The following FAM210A variants were observed in gnomAD, a reference collection of about 807,000 sequenced individuals.
FAM210A encodes mitochondrial inner membrane scaffold 1.
Under a neutral mutation model 25.3 loss-of-function variants are expected in FAM210A, and 13 were observed. The ratio of observed to expected loss-of-function variants is 0.51; its 90% CI spans 0.33 to 0.82. The LOEUF (loss-of-function observed/expected upper bound fraction) is 0.82, where lower values mean the gene tolerates loss of function less well. Among genes scored for constraint, FAM210A ranks in the 40% least tolerant of loss-of-function variants. FAM210A has a pLI of 0.02. For missense variants in FAM210A, 319 were observed against 323.2 expected (o/e 0.99, Z 0.10); for synonymous variants, 125 against 118.7 (o/e 1.05, Z -0.35).
At chr18:13,688,791 C>A (rs933341578) in intron 1 of FAM210A, among the ~76,000 whole-genome samples, 2 of 152,236 alleles carry the variant, frequency 1.3e-5, no homozygotes, top group Admixed American at 1.3e-4. Context: ...GTTGCAGGCA[C>A]CCCCACCTAG....
At chr18:13,677,545 T>A (rs1601944806) in intron 2 of FAM210A, among the ~76,000 whole-genome samples, 1 of 152,212 alleles carries the variant, frequency 6.6e-6, no homozygotes, top group Non-Finnish European at 1.5e-5. Flanking sequence ...TTCCATACAA[T>A]GTCTGTAATT....
intron 2 of FAM210A, among the ~76,000 whole-genome samples, chr18:13,679,971 T>A (rs772182866): frequency 1.3e-5 from 2 of 152,222 alleles, no homozygotes; most frequent in Non-Finnish European, 2.9e-5. Flanking sequence ...TTATTCTTAA[T>A]AGCCTAAATG....
chr18:13,700,799 C>T (rs2043733117), intron 1 of FAM210A, among the ~76,000 whole-genome samples: 1 of 152,202 alleles, frequency 6.6e-6, no homozygotes, highest in Non-Finnish European at 1.5e-5. Context: ...GGAGTATGCA[C>T]CTGTACAATA....
intron 1 of FAM210A, among the ~76,000 whole-genome samples, chr18:13,720,786 G>A (rs895747631): frequency 6.6e-6 from 1 of 152,228 alleles, no homozygotes; most frequent in African/African-American, 2.4e-5. Flanking sequence ...TCTGGGGTTA[G>A]AAGTCCAAGA....
intron 1 of FAM210A, among the ~76,000 whole-genome samples, chr18:13,683,361 T>G (rs553211163): frequency 1.1e-3 from 161 of 152,262 alleles, no homozygotes; most frequent in African/African-American, 3.8e-3. Flanking sequence ...AAAAAAAGTG[T>G]AGAGTGATGT....
intron 1 of FAM210A, among the ~76,000 whole-genome samples, chr18:13,716,492 A>G (rs2043863030): frequency 6.6e-6 from 1 of 152,150 alleles, no homozygotes; most frequent in Non-Finnish European, 1.5e-5. Flanking sequence ...TCTCTCTCCT[A>G]AACTGGGGGT....
chr18:13,681,128 G>A (rs2043549712), intron 2 of FAM210A, among the ~76,000 whole-genome samples: 1 of 152,124 alleles, frequency 6.6e-6, no homozygotes, highest in Admixed American at 6.5e-5. Flanking sequence ...ATATAATTAT[G>A]GAGTCATGGT....
intron 1 of FAM210A, among the ~76,000 whole-genome samples, chr18:13,718,747 A>T (rs765162876): frequency 9.9e-5 from 15 of 152,246 alleles, no homozygotes; most frequent in Non-Finnish European, 1.9e-4. Flanking sequence ...TTGATGAATA[A>T]GGACTATGTT....
intron 1 of FAM210A, chr18:13,715,342 C>T (rs1438106051): frequency 6.6e-6 from 1 of 152,222 alleles, no homozygotes; most frequent in Non-Finnish European, 1.5e-5. Flanking sequence ...GTGATCCTCC[C>T]ACCTTCCCAC....
rs754107601 is a variant in FAM210A at position 13,682,115 on chromosome 18, C to A, written c.-28-10G>T. The stretch of plus-strand genomic sequence containing the variant: ...TGATAGGTTTCAGCTTCTACAAAGA[C>A]AATTTTTCAAAAAAATTAGGTAATA... On this transcript the variant is annotated splice_polypyrimidine_tract_variant and intron_variant, in intron 1 of 3. Coordinates refer to ENST00000651643, the MANE Select transcript of FAM210A (RefSeq NM_152352.4). The A allele has an allele frequency of 2.7e-6, 4 of 1,507,334 alleles. No individual in the cohort carries two copies. The highest frequency in any genetic ancestry group is 1.8e-4 in the Middle Eastern group (1 of 5,596). 93.4% of individuals were successfully genotyped at this position (1,507,334 alleles called of 1,614,324 possible).
chr18:13,672,013 T>C (rs1320230304), intron 2 of FAM210A, 40 bp from the exon 3 acceptor site: 2 of 1,382,594 alleles, frequency 1.4e-6, no homozygotes, highest in East Asian at 2.3e-5. Flanking sequence ...GTACAAACTT[T>C]TAATGATATT....
intron 3 of FAM210A, among the ~76,000 whole-genome samples, chr18:13,669,577 A>AC (rs916163560): frequency 4.0e-5 from 6 of 151,490 alleles, no homozygotes; most frequent in Admixed American, 3.3e-4. Flanking sequence ...ACAAATCCAT[A>AC]CCCCCATCCC....
chr18:13,673,236 C>A (rs1355745405), intron 2 of FAM210A, among the ~76,000 whole-genome samples: 3 of 151,872 alleles, frequency 2.0e-5, no homozygotes, highest in African/African-American at 7.3e-5. Context: ...TATTAACATT[C>A]CTGAGCCCCG....
At chr18:13,716,372 G>T (rs1373625470) in intron 1 of FAM210A, among the ~76,000 whole-genome samples, 1 of 152,190 alleles carries the variant, frequency 6.6e-6, no homozygotes, top group Non-Finnish European at 1.5e-5. Context: ...AAAGGACAGG[G>T]CTCATAGCAT....
chr18:13,673,398 G>GATA (rs921204793), intron 2 of FAM210A, among the ~76,000 whole-genome samples: 1 of 145,726 alleles, frequency 6.9e-6, no homozygotes, highest in Non-Finnish European at 1.5e-5. Context: ...CCAGTTTCCT[G>GATA]ATTATTAACA....
chr18:13,679,424 G>A (rs1334664968), intron 2 of FAM210A, among the ~76,000 whole-genome samples: 1 of 152,152 alleles, frequency 6.6e-6, no homozygotes, highest in Admixed American at 6.5e-5. Flanking sequence ...ATCCTACAGT[G>A]AAAATATTCG....
intron 1 of FAM210A, among the ~76,000 whole-genome samples, chr18:13,705,928 G>A (rs775324198): frequency 6.6e-6 from 1 of 152,204 alleles, no homozygotes; most frequent in Non-Finnish European, 1.5e-5. Flanking sequence ...TTTTCTGGTT[G>A]TATAAAAGCT....
chr18:13,725,531 C>G (rs1030354706), intron 1 of FAM210A, among the ~76,000 whole-genome samples: 1 of 152,208 alleles, frequency 6.6e-6, no homozygotes, highest in African/African-American at 2.4e-5. Flanking sequence ...ATTTTCAAAG[C>G]TGTTTTAAAT....
chr18:13,726,024 G>A (rs1171954231), intron 1 of FAM210A, among the ~76,000 whole-genome samples: 2 of 152,216 alleles, frequency 1.3e-5, no homozygotes, highest in East Asian at 3.9e-4. Flanking sequence ...GGCTTCGGAA[G>A]AAGGGGGGAG....
Sources: gnomAD v4.1 joint callset for allele counts (sites outside exome capture counted in the v4.1 genomes callset) on GRCh38, gnomAD v4.1.1 for gene constraint, MANE v1.5 for transcripts, NCBI Gene and HGNC (gene_info 2026-07-23, HGNC 2026-07-21) for gene names.